Variants in CNTNAP2 observed in about 807,000 individuals in gnomAD.
CNTNAP2 encodes the protein contactin-associated protein-like 2.
In CNTNAP2, 98 loss-of-function variants were observed where a neutral mutation model predicts 155.2. The observed-to-expected ratio is 0.63, with a 90% CI of 0.54 to 0.75. The LOEUF is 0.75. Ranked by LOEUF, CNTNAP2 falls within the 30% of genes least tolerant of loss-of-function variation. CNTNAP2 has a pLI of 0.00. For synonymous variants in CNTNAP2, 651 were observed against 631.2 expected, an observed-to-expected ratio of 1.03 and a Z score of -0.47; for missense variants, 1,727 against 1,688.1, an observed-to-expected ratio of 1.02 and a Z score of -0.40.
At chr7:148,383,207 T>TA (rs1554427397) in intron 21 of CNTNAP2, among the ~76,000 whole-genome samples, 1 of 148,196 alleles carries the variant, frequency 6.7e-6, no homozygotes, top group African/African-American at 2.6e-5. Flanking sequence ...TTTTTTTTTT[T>TA]AAAGAATTCT....
chr7:148,231,762 G>A (rs1366916762), intron 20 of CNTNAP2, among the ~76,000 whole-genome samples: 6 of 152,218 alleles, frequency 3.9e-5, no homozygotes, highest in African/African-American at 4.8e-5. Context: ...TTTGAGTCAC[G>A]TGCTCACCTT....
intron 13 of CNTNAP2, among the ~76,000 whole-genome samples, chr7:147,662,320 G>A (rs1433260030): frequency 6.6e-6 from 1 of 152,168 alleles, no homozygotes; most frequent in African/African-American, 2.4e-5. Context: ...GAATCATTTA[G>A]ACTATGATGG....
chr7:146,364,217 C>G (rs1255136322), intron 1 of CNTNAP2, among the ~76,000 whole-genome samples: 1 of 151,902 alleles, frequency 6.6e-6, no homozygotes, highest in Non-Finnish European at 1.5e-5. Context: ...AGTGATTTGC[C>G]CCCAACTGCA....
rs575864630 is a variant in CNTNAP2 at position 146,618,613 on chromosome 7, A to T, written c.98-155658A>T. On this transcript the variant is annotated intron_variant, in intron 1 of 23. Coordinates refer to ENST00000361727, the MANE Select transcript of CNTNAP2 (RefSeq NM_014141.6). Reference sequence around the variant, plus strand: ...GTAACAAAGAAACTCTGCACTTATAAGCATTGCATATTTGTTTTAAATTAT... The same window carrying T: ...GTAACAAAGAAACTCTGCACTTATATGCATTGCATATTTGTTTTAAATTAT... Among the ~76,000 whole-genome samples, 3 of 152,314 alleles carry T rather than the reference A, an allele frequency of 2.0e-5. No homozygotes were observed. In the East Asian group the frequency reaches 5.8e-4, roughly 29 times the overall value.
At chr7:146,129,924 A>G (rs900701779) in intron 1 of CNTNAP2, among the ~76,000 whole-genome samples, 12 of 152,190 alleles carry the variant, frequency 7.9e-5, no homozygotes, top group Non-Finnish European at 1.3e-4. Context: ...CTGTTATAAC[A>G]TTTTAGCTAA....
intron 1 of CNTNAP2, among the ~76,000 whole-genome samples, chr7:146,738,421 C>T (rs964030243): frequency 2.0e-5 from 3 of 151,950 alleles, no homozygotes; most frequent in African/African-American, 7.2e-5. Context: ...AACCTTTTAT[C>T]AGACATATAG....
intron 13 of CNTNAP2, among the ~76,000 whole-genome samples, chr7:147,739,797 A>G (rs909117199): frequency 8.5e-5 from 13 of 152,094 alleles, no homozygotes; most frequent in Admixed American, 3.9e-4. Flanking sequence ...AAATATATAT[A>G]TGTATTTCAT....
intron 9 of CNTNAP2, among the ~76,000 whole-genome samples, chr7:147,355,133 C>T (rs988772476): frequency 6.6e-6 from 1 of 151,834 alleles, no homozygotes; most frequent in African/African-American, 2.4e-5. Context: ...AGATCATGGC[C>T]ATTGTTTCGA....
intron 15 of CNTNAP2, among the ~76,000 whole-genome samples, chr7:148,078,738 C>T (rs1439675239): frequency 6.6e-6 from 1 of 152,176 alleles, no homozygotes; most frequent in Non-Finnish European, 1.5e-5. Flanking sequence ...GCCTCGGCCT[C>T]CTGAAGTGCT....
intron 21 of CNTNAP2, among the ~76,000 whole-genome samples, chr7:148,370,771 T>C (rs1798873263): frequency 6.6e-6 from 1 of 152,132 alleles, no homozygotes; most frequent in African/African-American, 2.4e-5. Flanking sequence ...ATCTCATATT[T>C]GCTTTCAGTA....
chr7:146,372,952 C>A (rs557356579), intron 1 of CNTNAP2, among the ~76,000 whole-genome samples: 65 of 152,184 alleles, frequency 4.3e-4, no homozygotes, highest in Middle Eastern at 3.4e-3. Context: ...GTCTATGAGA[C>A]AGATCACATA....
At chr7:146,951,288 C>A (rs1797308605) in intron 3 of CNTNAP2, among the ~76,000 whole-genome samples, 1 of 152,118 alleles carries the variant, frequency 6.6e-6, no homozygotes, top group Admixed American at 6.6e-5. Context: ...TGCACAAGCT[C>A]TTTAGTTTAA....
intron 11 of CNTNAP2, among the ~76,000 whole-genome samples, chr7:147,551,768 C>T (rs1476646860): frequency 6.6e-6 from 1 of 152,082 alleles, no homozygotes; most frequent in Non-Finnish European, 1.5e-5. Context: ...TTGTATTCAT[C>T]GATGGGTGTT....
chr7:146,799,014 T>G (rs1223025140), intron 2 of CNTNAP2, among the ~76,000 whole-genome samples: 1 of 152,146 alleles, frequency 6.6e-6, no homozygotes, highest in Non-Finnish European at 1.5e-5. Flanking sequence ...ATCCTTTCAT[T>G]TTGATGCATT....
At chr7:147,985,346 A>T (rs1051568337) in intron 15 of CNTNAP2, among the ~76,000 whole-genome samples, 1 of 150,818 alleles carries the variant, frequency 6.6e-6, no homozygotes, top group Non-Finnish European at 1.5e-5. Flanking sequence ...GTACATGTTA[A>T]ATCAATATGT....
At chr7:147,685,910 C>T (rs1357851306) in intron 13 of CNTNAP2, among the ~76,000 whole-genome samples, 4 of 151,656 alleles carry the variant, frequency 2.6e-5, no homozygotes, top group Non-Finnish European at 5.9e-5. Context: ...GGGAAGAGCA[C>T]GGAGGACCAT....
chr7:148,188,944 T>A (rs1392581304), intron 18 of CNTNAP2, among the ~76,000 whole-genome samples: 6 of 152,336 alleles, frequency 3.9e-5, no homozygotes, highest in Middle Eastern at 3.4e-3. Context: ...TTCTTAAAAT[T>A]GTTTCCAATT....
intron 3 of CNTNAP2, among the ~76,000 whole-genome samples, chr7:146,875,921 C>A (rs1585133495): frequency 9.2e-6 from 1 of 108,128 alleles, no homozygotes; most frequent in Non-Finnish European, 1.8e-5. Context: ...CACACACACA[C>A]ACACATACAC....
At chr7:146,889,524 A>G (rs1307610737) in intron 3 of CNTNAP2, among the ~76,000 whole-genome samples, 2 of 152,112 alleles carry the variant, frequency 1.3e-5, no homozygotes, top group African/African-American at 2.4e-5. Context: ...AAACCTCTAT[A>G]TTAAAAATGA....
Sources: gnomAD v4.1 joint callset for allele counts (sites outside exome capture counted in the v4.1 genomes callset) on GRCh38, gnomAD v4.1.1 for gene constraint, MANE v1.5 for transcripts, NCBI Gene and HGNC (gene_info 2026-07-23, HGNC 2026-07-21) for gene names.